RIC8A: variants seen among roughly 807,000 people sequenced by gnomAD.
RIC8A encodes the protein RIC8 guanine nucleotide exchange factor A, also known as chaperone Ric-8A.
Under a neutral mutation model 48.4 loss-of-function variants are expected in RIC8A, and 37 were observed. The ratio of observed to expected loss-of-function variants is 0.77; its 90% CI spans 0.59 to 1.01. RIC8A has a LOEUF of 1.01. RIC8A is among the 50% of genes least tolerant of loss of function. The probability of loss-of-function intolerance (pLI) is 0.00; values close to 1 mark genes in which losing one functional copy is unlikely to be tolerated. For missense variants in RIC8A, 681 were observed against 696.8 expected (o/e 0.98, Z 0.25); for synonymous variants, 288 against 283.4 (o/e 1.02, Z -0.16).
chr11:213,692 C>A, intron 9 of RIC8A: 1 of 327,908 alleles, frequency 3.0e-6, no homozygotes, highest in Non-Finnish European at 5.7e-6. Flanking sequence ...CGCCTATAAT[C>A]CCAGCACTTT....
In RIC8A at chr11:209,658, C is replaced by G; in HGVS notation, c.384C>G (p.Ser128Arg). 6.2e-7 allele frequency: 1 copy of G among 1,613,984 alleles called. No homozygotes were observed. Among genetic ancestry groups the G allele is most frequent in the Non-Finnish European group, 8.5e-7 (1 of 1,179,992 alleles). ...LKCLCNLVLS[S>R]PVAQMLAAEA... ...GCCTGTGCAACCTCGTGCTCAGCAG[C>G]CCTGTGGCACAGATGCTGGCAGCAG... The change falls in exon 3 of 10, where the codon AGC becomes AGG. Residue 128 changes from serine (S) to arginine (R), a missense_variant. Ser to Arg is a moderately radical substitution (Grantham distance 110). Transcript: ENST00000526104.
chr11:212,410 C>G lies in RIC8A; in HGVS notation c.970-6C>G. ...CATAGCCCCAGTGACAGAGAATCCT[C>G]TACAGACACACAGGCTGAAGGAGAG... On this transcript the variant is annotated splice_region_variant and splice_polypyrimidine_tract_variant and intron_variant, in intron 5 of 9. Transcript: ENST00000526104. 6.2e-7 allele frequency: 1 copy of G among 1,613,396 alleles called. No individual in the cohort carries two copies. The highest frequency in any genetic ancestry group is 8.5e-7 in the Non-Finnish European group (1 of 1,179,762).
rs1246253219 is a variant in RIC8A, at chr11:208,851, C to T, written c.-4C>T. On this transcript the variant is annotated 5_prime_UTR_variant, in exon 1 of 10. Transcript: ENST00000526104. This position sits in a 1 kb window ranked among gnomAD's most constrained non-coding sequence, Gnocchi z 4.8. ...AGGGCCCGTCCCGCCTTCCCCGGCG[C>T]GCCATGGAGCCCCGGGCGGTTGCAG... 3 of 1,607,776 alleles carry T rather than the reference C, an allele frequency of 1.9e-6. No individual in the cohort carries two copies. The highest frequency in any genetic ancestry group is 1.7e-6 in the Non-Finnish European group (2 of 1,177,858).
In RIC8A at chr11:208,130, G is replaced by A. The variant is rs1162531333; in HGVS notation, c.-725G>A. Reference sequence around the variant, plus strand: ...TCAAGAGGGAACTGAGTCCAGGCCAGACTGGGTTGCTCCCCTTTCTCTCGG... The same window carrying A: ...TCAAGAGGGAACTGAGTCCAGGCCAAACTGGGTTGCTCCCCTTTCTCTCGG... On this transcript the variant is annotated 5_prime_UTR_variant, in exon 1 of 10. Transcript: ENST00000526104. The surrounding 1 kb of genome is among the most constrained non-coding windows in gnomAD (Gnocchi z 4.8). 6.6e-6 allele frequency: 1 copy of A among 152,404 alleles called. No individual in the cohort carries two copies. The highest frequency in any genetic ancestry group is 1.5e-5 in the Non-Finnish European group (1 of 68,130). 9.4% of individuals were successfully genotyped at this position (152,404 alleles called of 1,614,324 possible). A position where few individuals can be genotyped will look rare whatever the true frequency, so the allele number is the denominator to read the frequency against.
At chr11:212,186 G>T in intron 5 of RIC8A, 1 of 546,264 alleles carries the variant, frequency 1.8e-6, no homozygotes, top group Non-Finnish European at 3.3e-6. Context: ...CAAAGCTTAC[G>T]AGTACCTCTG....
rs1033064716 is a variant in RIC8A, at chr11:214,954, T to A, written c.*604T>A. On this transcript the variant is annotated 3_prime_UTR_variant, in exon 10 of 10. Transcript: ENST00000526104. ...ACTGTAGTATCCACAGTGCCCGAGT[T>A]CTCGCTGGTTTTGGCAATTAAACCT... is the stretch of plus-strand genomic sequence containing the variant. 5 of 170,604 alleles carry A rather than the reference T, an allele frequency of 2.9e-5. No individual in the cohort carries two copies. The highest frequency in any genetic ancestry group is 1.2e-4 in the African/African-American group (5 of 41,542). 10.6% of individuals were successfully genotyped at this position (170,604 alleles called of 1,614,324 possible). A position where few individuals can be genotyped will look rare whatever the true frequency, so the allele number is the denominator to read the frequency against.
At position 209,953 on chromosome 11, in the gene RIC8A, G is replaced by A; in HGVS notation, c.679G>A (p.Val227Met). Residue 227 changes from valine to methionine, a missense_variant, in exon 3 of 10, where the codon GTG (valine) becomes ATG (methionine). Physicochemically the swap from Val to Met is conservative, Grantham distance 21. Transcript: ENST00000526104. The stretch of plus-strand genomic sequence containing the variant: ...TGAGCGGGCCATGGAGATCCTCAAA[G>A]TGCTCTTCAACATCACCCTGGACTC... Reference protein sequence around the residue: ...ETERAMEILKVLFNITLDSIK... With the variant: ...ETERAMEILKMLFNITLDSIK... 6.2e-7 allele frequency: 1 copy of A among 1,600,584 alleles called. No homozygotes were observed. The highest frequency in any genetic ancestry group is 8.5e-7 in the Non-Finnish European group (1 of 1,178,960).
At position 209,728 on chromosome 11, in the gene RIC8A, C is replaced by T. The variant is rs369114516; in HGVS notation, c.454C>T (p.Arg152Cys). Reference sequence around the variant, plus strand: ...GCTCACAGAGCGTGTGGGGCTGTACCGTGAGAGGAGCTTCCCCCACGATGT... The same window carrying T: ...GCTCACAGAGCGTGTGGGGCTGTACTGTGAGAGGAGCTTCCCCCACGATGT... ...VKLTERVGLY[R>C]ERSFPHDVQF... Residue 152 changes from arginine to cysteine, a missense_variant, in exon 3 of 10, where the codon CGT (arginine) becomes TGT (cysteine). Physicochemically the swap from Arg to Cys is radical, Grantham distance 180 (BLOSUM62 -3). Coordinates refer to ENST00000526104, the MANE Select transcript of RIC8A (RefSeq NM_001286134.2). The T allele has an allele frequency of 3.7e-6, 6 of 1,614,022 alleles. No homozygotes were observed. The highest frequency in any genetic ancestry group is 1.1e-5 in the South Asian group (1 of 91,078).
Position 208,662 on chromosome 11 carries a change from GC to G in RIC8A, c.-191del. ...ACTCGGGTCTTAAAACCTCCGAGCC[GC>G]CAGTTCTGCCTCAGGCCGCGCCCCC... is the stretch of plus-strand genomic sequence containing the variant. On this transcript the variant is annotated 5_prime_UTR_variant, in exon 1 of 10. Transcript: ENST00000526104. The surrounding 1 kb of genome is among the most constrained non-coding windows in gnomAD (Gnocchi z 4.8). 1 of 489,278 alleles carries G rather than the reference GC, an allele frequency of 2.0e-6. No homozygotes were observed. Among genetic ancestry groups the G allele is most frequent in the Non-Finnish European group, 3.6e-6 (1 of 280,798 alleles). 30.3% of individuals were successfully genotyped at this position (489,278 alleles called of 1,614,324 possible).
rs1321042710 is a variant in RIC8A, at chr11:208,635, C to T, written c.-220C>T. On this transcript the variant is annotated 5_prime_UTR_variant, in exon 1 of 10. Transcript: ENST00000526104. This position sits in a 1 kb window ranked among gnomAD's most constrained non-coding sequence, Gnocchi z 4.8. The stretch of plus-strand genomic sequence containing the variant: ...TTCGGTTCAGAGCGACTCAGCCCCT[C>T]GACTCGGGTCTTAAAACCTCCGAGC... 2.1e-6 allele frequency: 1 copy of T among 470,006 alleles called. No individual in the cohort carries two copies. Among genetic ancestry groups the T allele is most frequent in the South Asian group, 3.1e-5 (1 of 31,922 alleles). 29.1% of individuals were successfully genotyped at this position (470,006 alleles called of 1,614,324 possible).
chr11:210,879 G>A (rs1428534741), intron 4 of RIC8A: 3 of 609,550 alleles, frequency 4.9e-6, no homozygotes, highest in African/African-American at 3.7e-5. Context: ...ACTTACTAGG[G>A]CACATTGGTT....
intron 9 of RIC8A, 67 bp from the exon 10 acceptor site, chr11:214,163 G>A (rs1533825): frequency 0.24 from 371,535 of 1,556,058 alleles, 45,590 homozygotes; most frequent in Middle Eastern, 0.31. Flanking sequence ...AGCAGCCACG[G>A]GTGAGTAGGA....
intron 9 of RIC8A, 149 bp from the exon 10 acceptor site, chr11:214,081 G>A (rs1369298126): frequency 5.8e-6 from 5 of 860,100 alleles, no homozygotes; most frequent in South Asian, 3.6e-5. Flanking sequence ...TTAGGGTTTG[G>A]GCCCAGTTAA....
Position 214,373 on chromosome 11 carries a change from C to T in RIC8A, c.*23C>T, listed in dbSNP as rs1282612507. The T allele has an allele frequency of 6.4e-7, 1 of 1,571,546 alleles. No individual in the cohort carries two copies. Among genetic ancestry groups the T allele is most frequent in the African/African-American group, 1.3e-5 (1 of 74,320 alleles). On this transcript the variant is annotated 3_prime_UTR_variant, in exon 10 of 10. Transcript: ENST00000526104. ...TGAGGATGGCAGCTCTTCTGCTCCC[C>T]CATCAGGACTGGTGCTGCTTCCAGA...
At position 209,805 on chromosome 11, in the gene RIC8A, T is replaced by C. The variant is rs1855301360; in HGVS notation, c.531T>C (p.Asp177=). 2 of 1,613,936 alleles carry C rather than the reference T, an allele frequency of 1.2e-6. No homozygotes were observed. The highest frequency in any genetic ancestry group is 1.7e-6 in the Non-Finnish European group (2 of 1,180,046). The change falls in exon 3 of 10, where the codon GAT becomes GAC. Residue 177 remains aspartate (D), a synonymous_variant. Transcript: ENST00000526104. ...TCCTGCTAACGGCACTCCGCACCGA[T>C]GTGCGCCAGCAGCTGTTTCAGGAGC... is the stretch of plus-strand genomic sequence containing the variant. The part of the protein sequence containing the change: ...LLFLLTALRT[D]VRQQLFQELK...
intron 9 of RIC8A, 119 bp from the exon 10 acceptor site, chr11:214,111 T>C (rs2133757428): frequency 1.7e-6 from 2 of 1,195,002 alleles, no homozygotes; most frequent in East Asian, 5.1e-5. Flanking sequence ...CAACCAGGCT[T>C]CCCCAGTAAA....
chr11:209,007 G>T, intron 1 of RIC8A, 69 bp downstream of exon 1: 1 of 1,350,080 alleles, frequency 7.4e-7, no homozygotes, highest in South Asian at 1.2e-5. Context: ...CGGGTAGCAG[G>T]GAGGGCGTGG....
In RIC8A at chr11:215,081, C is replaced by T. The variant is rs1855518037; in HGVS notation, c.*731C>T. 6.5e-6 allele frequency: 1 copy of T among 154,336 alleles called. No individual in the cohort carries two copies. Among genetic ancestry groups the T allele is most frequent in the African/African-American group, 2.4e-5 (1 of 41,430 alleles). The allele number at this position is 154,336 out of a possible 1,614,324, so 9.6% of individuals were successfully genotyped here. A position where few individuals can be genotyped will look rare whatever the true frequency, so the allele number is the denominator to read the frequency against. ...ATACCACACATAGCCACAGAAACAT[C>T]ATCTTGAAATAAAGAAGAGTTTTGG... On this transcript the variant is annotated 3_prime_UTR_variant, in exon 10 of 10. Transcript: ENST00000526104.
intron 9 of RIC8A, chr11:213,660 T>A: frequency 2.3e-6 from 1 of 441,412 alleles, no homozygotes; most frequent in Non-Finnish European, 4.0e-6. Context: ...AGAGACTGTC[T>A]AAGGCCGGGC....
Sources: gnomAD v4.1 joint callset for allele counts on GRCh38, gnomAD v4.1.1 for gene constraint, Gnocchi (gnomAD v3.1) non-coding constraint, MANE v1.5 for transcripts, NCBI Gene and HGNC (gene_info 2026-07-23, HGNC 2026-07-21) for gene names.